The following LCTL variants were observed in gnomAD, a reference collection of about 807,000 sequenced individuals.
LCTL encodes lactase like.
Under a neutral mutation model 75.8 loss-of-function variants are expected in LCTL, and 76 were observed. That is an observed-to-expected ratio of 1.00 (90% CI 0.83 to 1.21). LCTL has a LOEUF of 1.21. Among genes scored for constraint, LCTL ranks in the 50% most tolerant of loss-of-function variants. The pLI, the probability that LCTL is intolerant of heterozygous loss-of-function variation, is 0.00. For missense variants in LCTL, 670 were observed against 712.4 expected (o/e 0.94, Z 0.68); for synonymous variants, 271 against 268.8 (o/e 1.01, Z -0.08).
chr15:66,562,037 C>A (rs185581052), intron 4 of LCTL, among the ~76,000 whole-genome samples: 1 of 152,220 alleles, frequency 6.6e-6, no homozygotes, highest in Admixed American at 6.5e-5. Context: ...CCAATCAGAA[C>A]ACCCTTTCCT....
chr15:66,561,063 C>T (rs1395184652), exon 6 of LCTL: 11 of 1,614,042 alleles, frequency 6.8e-6, no homozygotes, highest in East Asian at 2.2e-5. Flanking sequence ...TCAGGCCCGG[C>T]GCATGGTGGC....
intron 2 of LCTL, 43 bp downstream of exon 3, chr15:66,564,633 G>A: frequency 6.3e-7 from 1 of 1,589,200 alleles, no homozygotes; most frequent in Non-Finnish European, 8.5e-7. Context: ...TCACATGTGT[G>A]TGCACGCGCG....
chr15:66,553,029 T>G, exon 9 of LCTL: 1 of 1,560,218 alleles, frequency 6.4e-7, no homozygotes, highest in Admixed American at 2.0e-5. Context: ...GCACAGAATA[T>G]AGCCATTTAG....
At chr15:66,551,345 C>CAAAAAAAA (rs67322943) in intron 11 of LCTL, among the ~76,000 whole-genome samples, 1 of 50,546 alleles carries the variant, frequency 2.0e-5, no homozygotes, top group African/African-American at 7.6e-5. Flanking sequence ...GATTCTGTCT[C>CAAAAAAAA]AAAAAAAAAA....
exon 9 of LCTL, chr15:66,553,249 C>G: frequency 6.4e-7 from 1 of 1,553,280 alleles, no homozygotes. Context: ...TTGCTCTGCA[C>G]TCTTTCTTCC....
At chr15:66,550,250 ATTAG>A in intron 11 of LCTL, 146 bp from the exon 13 acceptor site, 1 of 584,744 alleles carries the variant, frequency 1.7e-6, no homozygotes, top group Non-Finnish European at 3.1e-6. Context: ...TGTAGTTTAA[ATTAG>A]TTAATATTTA....
At position 66,563,507 on chromosome 15, in the gene LCTL, G is replaced by A; in HGVS notation, c.480+9C>T. On this transcript the variant is annotated intron_variant, in intron 4 of 12. Coordinates refer to ENST00000341509, the Ensembl canonical transcript of LCTL. Reference sequence around the variant, plus strand: ...CCCTTTGGGCCTGTGAGCCTGCTCAGGTCCTCACCTGTGGCAGATCCCAGT... The same window carrying A: ...CCCTTTGGGCCTGTGAGCCTGCTCAAGTCCTCACCTGTGGCAGATCCCAGT... The A allele has an allele frequency of 1.2e-6, 2 of 1,602,600 alleles. No homozygotes were observed. The highest frequency in any genetic ancestry group is 1.1e-5 in the South Asian group (1 of 90,746).
At chr15:66,560,748 G>A (rs889719304) in intron 6 of LCTL, among the ~76,000 whole-genome samples, 1 of 152,320 alleles carries the variant, frequency 6.6e-6, no homozygotes, top group South Asian at 2.1e-4. Flanking sequence ...GCTTGGACCT[G>A]TAGTTGACGC....
At position 66,557,898 on chromosome 15, in the gene LCTL, A is replaced by G; in HGVS notation, c.761-15T>C. On this transcript the variant is annotated splice_polypyrimidine_tract_variant and intron_variant, in intron 7 of 12. Coordinates refer to ENST00000341509, the Ensembl canonical transcript of LCTL. ...TCCCACCAGACCTTAAAAGAAAAGAAAGAAAAGGGAGTGGGGAGTGGGCAT... is the reference window on the plus strand; with the variant it reads ...TCCCACCAGACCTTAAAAGAAAAGAGAGAAAAGGGAGTGGGGAGTGGGCAT... The G allele has an allele frequency of 6.2e-7, 1 of 1,613,236 alleles. No homozygotes were observed. The highest frequency in any genetic ancestry group is 1.1e-5 in the South Asian group (1 of 91,016).
chr15:66,548,413 A>G, exon 13 of LCTL: 1 of 685,868 alleles, frequency 1.5e-6, no homozygotes, highest in Non-Finnish European at 2.5e-6. Context: ...ACAGCAATGT[A>G]TGGAAACCCT....
chr15:66,560,934 C>T, intron 6 of LCTL, 72 bp downstream of exon 7: 1 of 1,417,124 alleles, frequency 7.1e-7, no homozygotes, highest in Non-Finnish European at 9.9e-7. Context: ...GAGGACCAAG[C>T]TCAGGCTAGA....
chr15:66,565,379 C>A lies in LCTL; in HGVS notation c.-14G>T, dbSNP rs750880519. The A allele has an allele frequency of 2.0e-6, 3 of 1,520,838 alleles. No individual in the cohort carries two copies. The Admixed American group carries it at 5.8e-5, about 29-fold the overall frequency. 94.2% of individuals were successfully genotyped at this position (1,520,838 alleles called of 1,614,324 possible). On this transcript the variant is annotated 5_prime_UTR_variant, in exon 1 of 13. It introduces an in-frame stop codon into an upstream open reading frame of the 5' UTR. Transcript: ENST00000341509. ...CACTGGCTTCATGGTGCCTGGCCCT[C>A]CCCCATACCTGAAAAAGTGCAGCTG...
intron 8 of LCTL, among the ~76,000 whole-genome samples, chr15:66,556,664 A>G (rs1291066040): frequency 6.6e-6 from 1 of 152,212 alleles, no homozygotes; most frequent in East Asian, 1.9e-4. Flanking sequence ...TACAAAATGG[A>G]TGAATCTTGA....
chr15:66,559,258 G>A (rs1023349719), intron 6 of LCTL, among the ~76,000 whole-genome samples: 2 of 152,304 alleles, frequency 1.3e-5, no homozygotes, highest in Admixed American at 6.5e-5. Context: ...CTGAATATCT[G>A]AAGGCTATAG....
At chr15:66,558,685 GTGT>G (rs1263299494) in intron 6 of LCTL, among the ~76,000 whole-genome samples, 1,350 of 104,728 alleles carry the variant, frequency 0.013, 18 homozygotes, top group African/African-American at 0.035. Flanking sequence ...GTGTGTGTGT[GTGT>G]TTTTTTTTTT....
rs919626868 is a variant in LCTL at position 66,548,635 on chromosome 15, A to G, written c.1589-30T>C. 6.2e-6 allele frequency: 7 copies of G among 1,130,932 alleles called. No individual in the cohort carries two copies. The Admixed American group carries it at 1.0e-4, about 16-fold the overall frequency. The allele number at this position is 1,130,932 out of a possible 1,614,324, so 70.1% of individuals were successfully genotyped here. Reference sequence around the variant, plus strand: ...AATGACAAAGAGAACGAGCACCACAAATGAGAACAGGATCATTTTAGTAAA... The same window carrying G: ...AATGACAAAGAGAACGAGCACCACAGATGAGAACAGGATCATTTTAGTAAA... On this transcript the variant is annotated intron_variant, in intron 12 of 12. Transcript: ENST00000341509.
chr15:66,550,353 A>G (rs768127523), intron 11 of LCTL, among the ~76,000 whole-genome samples: 1 of 152,240 alleles, frequency 6.6e-6, no homozygotes, highest in Non-Finnish European at 1.5e-5. Flanking sequence ...CTAATAATGT[A>G]AAAGTAGCAA....
At chr15:66,552,254 T>C in intron 9 of LCTL, 85 bp from the exon 11 acceptor site, 1 of 1,070,710 alleles carries the variant, frequency 9.3e-7, no homozygotes, top group Non-Finnish European at 1.3e-6. Flanking sequence ...TAGGAACACA[T>C]ATTCAAGCCT....
chr15:66,553,050 T>A, exon 9 of LCTL: 1 of 1,595,582 alleles, frequency 6.3e-7, no homozygotes, highest in Non-Finnish European at 8.5e-7. Context: ...ACCCCAGATC[T>A]GGCCAGTTTG....
Sources: allele counts gnomAD v4.1 joint callset (sites outside exome capture counted in the v4.1 genomes callset), GRCh38; gene constraint gnomAD v4.1.1; transcripts MANE v1.5; gene names NCBI Gene and HGNC (gene_info 2026-07-23, HGNC 2026-07-21).